The following KIF5A variants were observed in gnomAD, a reference collection of about 807,000 sequenced individuals.
KIF5A encodes kinesin family member 5A.
A neutral mutation model predicts 141.3 loss-of-function variants in KIF5A; 35 were observed. The observed-to-expected ratio is 0.25, with a 90% CI of 0.19 to 0.33. KIF5A has a LOEUF of 0.33. KIF5A is among the 10% of genes least tolerant of loss of function. KIF5A has a pLI of 1.00. For missense variants in KIF5A, 861 were observed against 1,314.3 expected (o/e 0.66, Z 5.33); for synonymous variants, 448 against 500.2 (o/e 0.90, Z 1.39).
rs201958633 is a variant in KIF5A at position 57,581,021 on chromosome 12, G to A, written c.2604G>A (p.Thr868=). The A allele has an allele frequency of 2.4e-5, 39 of 1,613,952 alleles. No homozygotes were observed. Among genetic ancestry groups the A allele is most frequent in the Non-Finnish European group, 3.1e-5 (37 of 1,180,024 alleles). Residue 868 remains threonine (T), a synonymous_variant, in exon 24 of 29, where the codon ACG becomes ACA. Coordinates refer to ENST00000455537, the MANE Select transcript of KIF5A (RefSeq NM_004984.4). ...LPKLEKRLRA[T]AERVKALEGA... ...AATTGGAAAAACGACTTAGGGCTACGGCTGAGAGAGTTAAGGCCCTGGAGG... is the reference window on the plus strand; with the variant it reads ...AATTGGAAAAACGACTTAGGGCTACAGCTGAGAGAGTTAAGGCCCTGGAGG...
At chr12:57,558,798 C>T (rs1391567453) in intron 1 of KIF5A, among the ~76,000 whole-genome samples, 2 of 152,218 alleles carry the variant, frequency 1.3e-5, no homozygotes, top group South Asian at 2.1e-4. Context: ...TTTTTCAAGA[C>T]AGGGTCTCAC....
chr12:57,583,299 CTTTTTT>C, intron 28 of KIF5A, 84 bp downstream of exon 28: 1 of 641,356 alleles, frequency 1.6e-6, no homozygotes, highest in Non-Finnish European at 2.7e-6. Context: ...GCTGCTGCTT[CTTTTTT>C]TTTTTATCAC....
At chr12:57,574,981 G>A (rs1174980812) in intron 15 of KIF5A, 103 bp from the exon 16 acceptor site, 28 of 995,036 alleles carry the variant, frequency 2.8e-5, no homozygotes, top group Non-Finnish European at 4.1e-5. Context: ...TCCCATTTGA[G>A]TCCCTGCGTA....
chr12:57,563,416 GAT>G, intron 1 of KIF5A, 21 bp from the exon 2 acceptor site: 1 of 1,563,770 alleles, frequency 6.4e-7, no homozygotes, highest in Non-Finnish European at 8.8e-7. Flanking sequence ...GTTGACGTCT[GAT>G]ATCTTTTATT....
intron 25 of KIF5A, 119 bp downstream of exon 25, chr12:57,581,687 T>C: frequency 7.6e-7 from 1 of 1,313,494 alleles, no homozygotes; most frequent in Non-Finnish European, 1.1e-6. Context: ...TTTCTCAACT[T>C]CATGCCTATG....
Position 57,571,343 on chromosome 12 carries a change from G to C in KIF5A, c.1316G>C (p.Ser439Thr). 1 of 1,613,256 alleles carries C rather than the reference G, an allele frequency of 6.2e-7. No individual in the cohort carries two copies. Among genetic ancestry groups the C allele is most frequent in the Non-Finnish European group, 8.5e-7 (1 of 1,179,306 alleles). Residue 439 changes from serine to threonine, a missense_variant, in exon 13 of 29, where the codon AGC (serine) becomes ACC (threonine). Around this residue, in one of 5 missense-constraint regions of KIF5A, gnomAD observed 167 missense variants for 192.0 expected, o/e 0.87. Coordinates refer to ENST00000455537, the MANE Select transcript of KIF5A (RefSeq NM_004984.4). The part of the protein sequence containing the change: ...DDKDDEINQQ[S>T]QLIEKLKQQM... ...CAGGATGATGAAATCAACCAACAAA[G>C]CCAACTCATAGAGAAGCTCAAGCAG...
chr12:57,567,635 A>C lies in KIF5A; in HGVS notation c.714+17A>C. ...AGTGAGAAGGTAGGGGGTCCTGTGG[A>C]TATGGGGTGGGTGGAAGCCTTGGCT... On this transcript the variant is annotated intron_variant, in intron 8 of 28. Coordinates refer to ENST00000455537, the MANE Select transcript of KIF5A (RefSeq NM_004984.4). 6.5e-7 allele frequency: 1 copy of C among 1,534,068 alleles called. No homozygotes were observed. The highest frequency in any genetic ancestry group is 8.9e-7 in the Non-Finnish European group (1 of 1,121,394).
chr12:57,576,693 G>A, intron 19 of KIF5A, 68 bp from the exon 20 acceptor site: 1 of 1,153,252 alleles, frequency 8.7e-7, no homozygotes, highest in Admixed American at 1.7e-5. Context: ...AGTTTGAAGA[G>A]CTGGCCTTCC....
chr12:57,581,566 G>A lies in KIF5A; in HGVS notation c.2907G>A (p.Met969Ile). The A allele has an allele frequency of 6.2e-7, 1 of 1,614,024 alleles. No homozygotes were observed. The highest frequency in any genetic ancestry group is 8.5e-7 in the Non-Finnish European group (1 of 1,180,044). ...CCACACCCAGCTCCACCTCAGATAT[G>A]TAGTGAGTGACCACACGTGTGGGTT... ...LQATPSSTSD[M>I]YFANSCTSSG... Residue 969 changes from methionine to isoleucine, a missense_variant and splice_region_variant, in exon 25 of 29, where the codon ATG becomes ATA. This residue lies in a region of KIF5A where 482 missense variants were observed against 661.3 expected (regional missense o/e 0.73). Transcript: ENST00000455537.
At chr12:57,555,765 C>T (rs1265224795) in intron 1 of KIF5A, among the ~76,000 whole-genome samples, 6 of 150,192 alleles carry the variant, frequency 4.0e-5, no homozygotes, top group Non-Finnish European at 8.9e-5. Flanking sequence ...AAAAATTAGC[C>T]GGGCGTGGTG....
In KIF5A at chr12:57,581,120, G is replaced by A. The variant is rs762030742; in HGVS notation, c.2703G>A (p.Lys901=). The A allele has an allele frequency of 3.1e-6, 5 of 1,614,066 alleles. No homozygotes were observed. The highest frequency in any genetic ancestry group is 3.4e-6 in the Non-Finnish European group (4 of 1,180,032). Residue 901 remains lysine (K), a synonymous_variant, in exon 24 of 29, where the codon AAG becomes AAA. Transcript: ENST00000455537. ...ACCAGCAGGAGGTGGACCGCATCAA[G>A]GAGGCCGTTCGCTACAAGAGCTCGG... is the stretch of plus-strand genomic sequence containing the variant. ...RRYQQEVDRI[K]EAVRYKSSGK...
intron 17 of KIF5A, among the ~76,000 whole-genome samples, 164 bp from the exon 18 acceptor site, chr12:57,575,923 A>T (rs1882409594): frequency 6.6e-6 from 1 of 152,188 alleles, no homozygotes; most frequent in Admixed American, 6.5e-5. Context: ...CATTAACCAT[A>T]CACCCTTGTT....
rs750790398 is a variant in KIF5A, at chr12:57,569,101, C to T, written c.819+34C>T. 1.9e-6 allele frequency: 3 copies of T among 1,576,588 alleles called. No individual in the cohort carries two copies. In the South Asian group the frequency reaches 3.3e-5, roughly 17 times the overall value. ...TCCTTAGGTCCCCTCACCCCTCAAG[C>T]CACACCCCATCTCCTCCCCCACCTG... On this transcript the variant is annotated intron_variant, in intron 9 of 28. Coordinates refer to ENST00000455537, the MANE Select transcript of KIF5A (RefSeq NM_004984.4).
chr12:57,583,879 G>A (rs1488857515), intron 28 of KIF5A, among the ~76,000 whole-genome samples: 1 of 152,160 alleles, frequency 6.6e-6, no homozygotes, highest in Non-Finnish European at 1.5e-5. Flanking sequence ...TCTCACCAAG[G>A]TTGCTTTAGG....
At position 57,563,578 on chromosome 12, in the gene KIF5A, G is replaced by T. The variant is rs754627257; in HGVS notation, c.218-42G>T. On this transcript the variant is annotated intron_variant, in intron 2 of 28. Coordinates refer to ENST00000455537, the MANE Select transcript of KIF5A (RefSeq NM_004984.4). ...CTTCTCAGCACCCCATTTCCTACCCGACCTATCTCCACCAGTACTCTTTCT... is the reference window on the plus strand; with the variant it reads ...CTTCTCAGCACCCCATTTCCTACCCTACCTATCTCCACCAGTACTCTTTCT... 8 of 1,609,148 alleles carry T rather than the reference G, an allele frequency of 5.0e-6. No homozygotes were observed. The South Asian group carries it at 6.6e-5, about 13-fold the overall frequency.
intron 5 of KIF5A, 85 bp downstream of exon 5, chr12:57,564,593 T>A: frequency 8.8e-7 from 1 of 1,137,630 alleles, no homozygotes; most frequent in South Asian, 1.2e-5. Context: ...TAGGTACCAA[T>A]TGACAAGAGA....
intron 25 of KIF5A, 118 bp from the exon 26 acceptor site, chr12:57,581,752 C>T (rs1191981109): frequency 7.3e-6 from 9 of 1,231,056 alleles, no homozygotes; most frequent in East Asian, 2.3e-5. Context: ...TTTTCCTCTG[C>T]TCTCTGGGGA....
chr12:57,569,738 G>C, intron 11 of KIF5A, 55 bp downstream of exon 11: 1 of 1,602,450 alleles, frequency 6.2e-7, no homozygotes, highest in Non-Finnish European at 8.5e-7. Flanking sequence ...GAGGATGTTT[G>C]GGAGCCAACT....
intron 1 of KIF5A, among the ~76,000 whole-genome samples, chr12:57,555,988 A>G (rs1318353759): frequency 2.0e-5 from 3 of 152,040 alleles, no homozygotes. Context: ...AAACAACTTA[A>G]AGACATAAAG....
Sources: gnomAD v4.1 joint callset for allele counts (sites outside exome capture counted in the v4.1 genomes callset) on GRCh38, gnomAD v4.1.1 for gene constraint, gnomAD v4.1.1 regional missense constraint, MANE v1.5 for transcripts, NCBI Gene and HGNC (gene_info 2026-07-23, HGNC 2026-07-21) for gene names.